The following OLFML2A variants were observed in gnomAD, a reference collection of about 807,000 sequenced individuals.
The protein encoded by OLFML2A is olfactomedin-like protein 2A.
A neutral mutation model predicts 60.9 loss-of-function variants in OLFML2A; 47 were observed. That is an observed-to-expected ratio of 0.77 (90% CI 0.61 to 0.98). The LOEUF is 0.98. OLFML2A is among the 50% of genes least tolerant of loss of function. OLFML2A has a pLI of 0.00. For synonymous variants in OLFML2A, 372 were observed against 375.0 expected (o/e 0.99, Z 0.09); for missense variants, 922 against 879.8 (o/e 1.05, Z -0.61).
At chr9:124,796,080 C>T (rs938324763) in intron 3 of OLFML2A, among the ~76,000 whole-genome samples, 1 of 152,238 alleles carries the variant, frequency 6.6e-6, no homozygotes, top group African/African-American at 2.4e-5. Flanking sequence ...GGACATACAG[C>T]TGCCAGGAGC....
rs938121976 is a variant in OLFML2A at position 124,801,461 on chromosome 9, G to A, written c.717G>A (p.Val239=). 6.2e-7 allele frequency: 1 copy of A among 1,614,102 alleles called. No homozygotes were observed. The highest frequency in any genetic ancestry group is 8.5e-7 in the Non-Finnish European group (1 of 1,180,002). ...KGKDISKYGS[V]QKSFADRGLP... ...AGGACATCAGCAAGTATGGCAGTGTGCAGAAAAGCTTTGCAGACAGAGGCC... is the reference window on the plus strand; with the variant it reads ...AGGACATCAGCAAGTATGGCAGTGTACAGAAAAGCTTTGCAGACAGAGGCC... Residue 239 remains valine (V), a synonymous_variant, in exon 5 of 8, where the codon GTG becomes GTA. Coordinates refer to ENST00000373580, the MANE Select transcript of OLFML2A (RefSeq NM_182487.4).
chr9:124,794,429 G>A lies in OLFML2A; in HGVS notation c.355-595G>A, dbSNP rs141470878. 1.2e-3 allele frequency among the ~76,000 whole-genome samples: 189 copies of A among 152,276 alleles called. 1 individual carries two copies. The highest frequency in any genetic ancestry group is 4.3e-3 in the African/African-American group (178 of 41,552). On this transcript the variant is annotated intron_variant, in intron 2 of 7. Transcript: ENST00000373580. Reference sequence around the variant, plus strand: ...CAGTGCCCACTACACACCTCACGAGGTTGTTACAATGATTAATTGGTATAA... The same window carrying A: ...CAGTGCCCACTACACACCTCACGAGATTGTTACAATGATTAATTGGTATAA...
At chr9:124,784,602 A>G (rs1232762922) in intron 1 of OLFML2A, among the ~76,000 whole-genome samples, 1 of 152,250 alleles carries the variant, frequency 6.6e-6, no homozygotes, top group Non-Finnish European at 1.5e-5. Context: ...CAAAATAACA[A>G]AAATTATCAT....
chr9:124,794,391 G>A (rs1024975285), intron 2 of OLFML2A, among the ~76,000 whole-genome samples: 2 of 152,208 alleles, frequency 1.3e-5, no homozygotes. Context: ...CAGAAGATCC[G>A]GACAAACTCC....
chr9:124,784,975 A>T (rs113468867), intron 1 of OLFML2A, among the ~76,000 whole-genome samples: 1 of 18,928 alleles, frequency 5.3e-5, no homozygotes, highest in Non-Finnish European at 7.9e-5. Flanking sequence ...TTTTTTTGAG[A>T]CGGAGTCTCA....
intron 7 of OLFML2A, among the ~76,000 whole-genome samples, 159 bp downstream of exon 7, chr9:124,808,125 G>C (rs1170262733): frequency 1.3e-5 from 2 of 152,226 alleles, no homozygotes; most frequent in African/African-American, 4.8e-5. Flanking sequence ...TGGGCTGAGG[G>C]CACTGGGCTG....
rs1202676220 is a variant in OLFML2A, at chr9:124,813,584, C to T, written c.*3172C>T. ...CCAGTGGCAGCTCCAGAAACGGAGG[C>T]TGTTGCTTTTATCCCTAAACTGCAT... On this transcript the variant is annotated 3_prime_UTR_variant, in exon 8 of 8. Transcript: ENST00000373580. 1 of 152,174 alleles carries T rather than the reference C, an allele frequency of 6.6e-6. No homozygotes were observed. The highest frequency in any genetic ancestry group is 2.4e-5 in the African/African-American group (1 of 41,434). 9.4% of individuals were successfully genotyped at this position (152,174 alleles called of 1,614,324 possible).
chr9:124,809,962 C>A lies in OLFML2A; in HGVS notation c.1509C>A (p.Pro503=). The A allele has an allele frequency of 6.2e-7, 1 of 1,614,132 alleles. No homozygotes were observed. The highest frequency in any genetic ancestry group is 1.1e-5 in the South Asian group (1 of 91,080). The change falls in exon 8 of 8, where the codon CCC becomes CCA. Residue 503 remains proline (P), a synonymous_variant. Transcript: ENST00000373580. ...TCGTGGCCTCCTGGGCGCTGCTGCCCGACGTGGTATATGAGGACACCACAC... is the reference window on the plus strand; with the variant it reads ...TCGTGGCCTCCTGGGCGCTGCTGCCAGACGTGGTATATGAGGACACCACAC... The part of the protein sequence containing the change: ...QRFVASWALL[P]DVVYEDTTPW...
In OLFML2A at chr9:124,811,731, C is replaced by G. The variant is rs897653508; in HGVS notation, c.*1319C>G. ...CTTGCCCGGGGCCACTGGTGGCTCC[C>G]CAGAGCCTCAGACCCACACAGCCCA... is the stretch of plus-strand genomic sequence containing the variant. On this transcript the variant is annotated 3_prime_UTR_variant, in exon 8 of 8. Transcript: ENST00000373580. 9 of 152,228 alleles carry G rather than the reference C, an allele frequency of 5.9e-5. No homozygotes were observed. The highest frequency in any genetic ancestry group is 2.1e-4 in the South Asian group (1 of 4,832). The allele number at this position is 152,228 out of a possible 1,614,324, so 9.4% of individuals were successfully genotyped here.
In OLFML2A at chr9:124,804,235, C is replaced by A. The variant is rs753067335; in HGVS notation, c.1061C>A (p.Thr354Asn). 3.7e-5 allele frequency: 59 copies of A among 1,613,460 alleles called. No homozygotes were observed. The highest frequency in any genetic ancestry group is 4.8e-5 in the Non-Finnish European group (57 of 1,179,854). ...SSERVDLASG[T>N]PTSIPATTTT... ...GAGCGAGTGGACCTGGCTTCTGGCA[C>A]CCCCACTTCAATCCCTGCCACCACC... Residue 354 changes from threonine (T) to asparagine (N), a missense_variant, in exon 6 of 8, where the codon ACC (threonine) becomes AAC (asparagine). Transcript: ENST00000373580.
chr9:124,791,641 G>A (rs1588881953), intron 2 of OLFML2A, among the ~76,000 whole-genome samples: 1 of 151,688 alleles, frequency 6.6e-6, no homozygotes, highest in Non-Finnish European at 1.5e-5. Flanking sequence ...GGGAGGCTGG[G>A]GCAGGAGAAT....
chr9:124,810,225 A>G lies in OLFML2A; in HGVS notation c.1772A>G (p.Tyr591Cys). 1 of 1,613,560 alleles carries G rather than the reference A, an allele frequency of 6.2e-7. No homozygotes were observed. Among genetic ancestry groups the G allele is most frequent in the Non-Finnish European group, 8.5e-7 (1 of 1,180,010 alleles). Reference protein sequence around the residue: ...VCGILYAVDTYNQQEGQVAYA... With the variant: ...VCGILYAVDTCNQQEGQVAYA... ...GGCATCCTGTATGCCGTGGACACGT[A>G]CAACCAGCAGGAAGGCCAGGTCGCC... Residue 591 changes from tyrosine to cysteine, a missense_variant, in exon 8 of 8, where the codon TAC becomes TGC. Coordinates refer to ENST00000373580, the MANE Select transcript of OLFML2A (RefSeq NM_182487.4).
At chr9:124,798,473 G>A (rs1301076705) in intron 3 of OLFML2A, among the ~76,000 whole-genome samples, 4 of 151,832 alleles carry the variant, frequency 2.6e-5, no homozygotes, top group Non-Finnish European at 5.9e-5. Flanking sequence ...AGCCAAGATC[G>A]CACCACTGCC....
chr9:124,808,359 T>C (rs1841944243), intron 7 of OLFML2A, among the ~76,000 whole-genome samples: 1 of 152,218 alleles, frequency 6.6e-6, no homozygotes, highest in African/African-American at 2.4e-5. Context: ...GGTTATCACC[T>C]GTTTTATAGG....
chr9:124,785,760 A>T (rs1588879003), intron 1 of OLFML2A, among the ~76,000 whole-genome samples: 2 of 152,050 alleles, frequency 1.3e-5, no homozygotes, highest in Admixed American at 1.3e-4. Context: ...ACTGGATCTT[A>T]TGGGAATTTT....
At chr9:124,786,947 C>T (rs767858592) in intron 1 of OLFML2A, 28 bp from the exon 2 acceptor site, 14 of 1,592,960 alleles carry the variant, frequency 8.8e-6, no homozygotes, top group Non-Finnish European at 1.2e-5. Flanking sequence ...CAGCAACTCA[C>T]TGGAGCCCCT....
intron 5 of OLFML2A, among the ~76,000 whole-genome samples, chr9:124,803,128 C>T (rs1418750825): frequency 6.6e-6 from 1 of 151,990 alleles, no homozygotes; most frequent in Admixed American, 6.6e-5. Context: ...AAGCTGGTCT[C>T]GAACTCCTGA....
intron 1 of OLFML2A, among the ~76,000 whole-genome samples, chr9:124,781,852 G>C (rs919688304): frequency 2.0e-5 from 3 of 151,374 alleles, no homozygotes; most frequent in African/African-American, 7.3e-5. Context: ...TTCACAGCTT[G>C]AATGCCCTCT....
At chr9:124,789,648 A>G (rs1841537062) in intron 2 of OLFML2A, among the ~76,000 whole-genome samples, 1 of 152,250 alleles carries the variant, frequency 6.6e-6, no homozygotes, top group Non-Finnish European at 1.5e-5. Context: ...AGAGACAGTC[A>G]GTGCCTCTGC....
Sources: allele counts gnomAD v4.1 joint callset (sites outside exome capture counted in the v4.1 genomes callset), GRCh38; gene constraint gnomAD v4.1.1; transcripts MANE v1.5; gene names NCBI Gene and HGNC (gene_info 2026-07-23, HGNC 2026-07-21).